Variants in PTPRD observed in about 807,000 individuals in gnomAD.
PTPRD encodes receptor-type tyrosine-protein phosphatase delta.
Under a neutral mutation model 214.5 loss-of-function variants are expected in PTPRD, and 34 were observed. The observed-to-expected ratio is 0.16, with a 90% CI of 0.12 to 0.21. PTPRD has a LOEUF of 0.21. PTPRD is among the 10% of genes least tolerant of loss of function. The probability of loss-of-function intolerance (pLI) is 1.00; values close to 1 mark genes in which losing one functional copy is unlikely to be tolerated. For synonymous variants in PTPRD, 1,128 were observed against 845.7 expected, an observed-to-expected ratio of 1.33 and a Z score of -5.79; for missense variants, 2,545 against 2,398.7, an observed-to-expected ratio of 1.06 and a Z score of -1.27.
intron 5 of PTPRD, among the ~76,000 whole-genome samples, chr9:9,804,278 TAGC>T (rs2153519406): frequency 6.6e-6 from 1 of 152,174 alleles, no homozygotes; most frequent in African/African-American, 2.4e-5. Flanking sequence ...TTTCATAAAA[TAGC>T]AGTACACTGC....
intron 10 of PTPRD, among the ~76,000 whole-genome samples, chr9:9,039,971 C>G (rs1411697255): frequency 8.4e-6 from 1 of 119,680 alleles, no homozygotes; most frequent in African/African-American, 2.9e-5. Context: ...AATGTTGGAA[C>G]TTCCTGTGCA....
chr9:9,696,155 G>A (rs749776811), intron 7 of PTPRD, among the ~76,000 whole-genome samples: 4 of 151,954 alleles, frequency 2.6e-5, no homozygotes, highest in African/African-American at 4.8e-5. Flanking sequence ...ATTCCATTAT[G>A]GTCATAAAAG....
chr9:8,449,696 G>C, intron 34 of PTPRD, 29 bp downstream of exon 34: 1 of 1,589,160 alleles, frequency 6.3e-7, no homozygotes, highest in South Asian at 1.1e-5. Flanking sequence ...GAAAGACTGT[G>C]TGTGGATTAG....
At chr9:9,014,482 T>G (rs1020239634) in intron 11 of PTPRD, among the ~76,000 whole-genome samples, 3 of 152,186 alleles carry the variant, frequency 2.0e-5, no homozygotes, top group African/African-American at 4.8e-5. Flanking sequence ...GAACGATACA[T>G]ATGTGATTAC....
chr9:8,835,921 T>C (rs1485503318), intron 11 of PTPRD, among the ~76,000 whole-genome samples: 1 of 152,184 alleles, frequency 6.6e-6, no homozygotes, highest in Non-Finnish European at 1.5e-5. Context: ...CCCATTAGAA[T>C]GGAAGCTTCC....
chr9:9,215,325 G>C (rs955967861), intron 9 of PTPRD, among the ~76,000 whole-genome samples: 1 of 152,126 alleles, frequency 6.6e-6, no homozygotes, highest in Non-Finnish European at 1.5e-5. Context: ...AAGTTATGGA[G>C]CTACAAGAGA....
rs569065017 is a variant in PTPRD, at chr9:9,276,240, A to G, written c.-202-92877T>C. On this transcript the variant is annotated intron_variant, in intron 9 of 45. Coordinates refer to ENST00000381196, the MANE Select transcript of PTPRD (RefSeq NM_002839.4). Reference sequence around the variant, plus strand: ...CAGTCATTTTCAGATTAAAGCCCCTAGTGTGCTGATTTCTGTCTTCTCCTG... The same window carrying G: ...CAGTCATTTTCAGATTAAAGCCCCTGGTGTGCTGATTTCTGTCTTCTCCTG... Among the ~76,000 whole-genome samples, 49 of 151,486 alleles carry G rather than the reference A, an allele frequency of 3.2e-4. No individual in the cohort carries two copies. The East Asian group carries it at 7.1e-3, about 22-fold the overall frequency.
intron 12 of PTPRD, among the ~76,000 whole-genome samples, chr9:8,643,764 C>G (rs11793328): frequency 6.6e-6 from 1 of 152,124 alleles, no homozygotes; most frequent in South Asian, 2.1e-4. Context: ...AGGTACTGAC[C>G]AGGGTGGAAG....
rs575160196 is a variant in PTPRD, at chr9:9,787,693, C to A, written c.-367-20842G>T. 4.6e-5 allele frequency among the ~76,000 whole-genome samples: 7 copies of A among 151,560 alleles called. No individual in the cohort carries two copies. The South Asian group carries it at 1.0e-3, about 23-fold the overall frequency. On this transcript the variant is annotated intron_variant, in intron 5 of 45. Coordinates refer to ENST00000381196, the MANE Select transcript of PTPRD (RefSeq NM_002839.4). The stretch of plus-strand genomic sequence containing the variant: ...TAATGCTACTACAAAAGGTCAGAGA[C>A]CTGAGAAAGATTAAAGACACAAAAG...
At chr9:9,619,836 G>A (rs1051220101) in intron 7 of PTPRD, among the ~76,000 whole-genome samples, 51 of 146,474 alleles carry the variant, frequency 3.5e-4, no homozygotes, top group African/African-American at 1.2e-3. Context: ...CTTTATATAT[G>A]TTAGCTTTTT....
rs145769876 is a variant in PTPRD, at chr9:8,376,064, C to G, written c.4533G>C (p.Val1511=). Residue 1511 remains valine, a synonymous_variant, in exon 39 of 46, where the codon GTG becomes GTC. Coordinates refer to ENST00000381196, the MANE Select transcript of PTPRD (RefSeq NM_002839.4). Reference sequence around the variant, plus strand: ...GCCAGGCGGTGAACTGGAATTGTCTCACTTCTCTCTTCTCACTTGAACCAT... The same window carrying G: ...GCCAGGCGGTGAACTGGAATTGTCTGACTTCTCTCTTCTCACTTGAACCAT... ...YKNGSSEKRE[V]RQFQFTAWPD... The G allele has an allele frequency of 7.4e-5, 119 of 1,612,804 alleles. 1 individual carries two copies. The African/African-American group carries it at 1.4e-3, about 19-fold the overall frequency.
At chr9:8,983,660 C>G (rs62529153) in intron 11 of PTPRD, among the ~76,000 whole-genome samples, 3,504 of 151,380 alleles carry the variant, frequency 0.023, 66 homozygotes, top group Middle Eastern at 0.048. Flanking sequence ...ATGTGTGCTC[C>G]ACCATGCCTG....
rs2097207916 is a variant in PTPRD at position 9,688,653 on chromosome 9, G to A, written c.-287+45880C>T. ...AATGCATATGAACTGCTGGTCAACA[G>A]GCCAGTGAGGCCACTAGTCCATTAT... is the stretch of plus-strand genomic sequence containing the variant. On this transcript the variant is annotated intron_variant, in intron 7 of 45. Transcript: ENST00000381196. Among the ~76,000 whole-genome samples, 4 of 151,868 alleles carry A rather than the reference G, an allele frequency of 2.6e-5. No individual in the cohort carries two copies. The South Asian group carries it at 6.2e-4, about 24-fold the overall frequency.
At chr9:9,902,446 C>G (rs1325600000) in intron 5 of PTPRD, among the ~76,000 whole-genome samples, 1 of 151,998 alleles carries the variant, frequency 6.6e-6, no homozygotes, top group African/African-American at 2.4e-5. Flanking sequence ...TAATCATATA[C>G]CAATCACTAA....
At chr9:8,473,576 C>CA (rs1783560386) in intron 30 of PTPRD, among the ~76,000 whole-genome samples, 2 of 152,166 alleles carry the variant, frequency 1.3e-5, no homozygotes, top group Admixed American at 1.3e-4. Flanking sequence ...TGCATATTAT[C>CA]AGAGTGCTAC....
intron 14 of PTPRD, among the ~76,000 whole-genome samples, chr9:8,549,101 G>T (rs549245477): frequency 2.0e-5 from 3 of 152,106 alleles, no homozygotes; most frequent in African/African-American, 4.8e-5. Flanking sequence ...GCCCAGTTAG[G>T]TAGTTACTAT....
At chr9:9,589,653 C>T (rs1026142986) in intron 7 of PTPRD, among the ~76,000 whole-genome samples, 16 of 151,926 alleles carry the variant, frequency 1.1e-4, no homozygotes, top group African/African-American at 3.9e-4. Context: ...TTATGTGTTA[C>T]TGGATTTTTA....
intron 14 of PTPRD, among the ~76,000 whole-genome samples, chr9:8,568,891 A>G (rs2154226463): frequency 6.6e-6 from 1 of 152,074 alleles, no homozygotes; most frequent in East Asian, 1.9e-4. Context: ...TTGCCCACCT[A>G]TGAGCTTTTG....
chr9:9,925,995 A>T (rs943930347), intron 5 of PTPRD, among the ~76,000 whole-genome samples: 10 of 151,686 alleles, frequency 6.6e-5, no homozygotes, highest in South Asian at 2.1e-4. Context: ...TGCCTAGAAA[A>T]TTTTTTTTAA....
Sources: gnomAD v4.1 joint callset for allele counts (sites outside exome capture counted in the v4.1 genomes callset) on GRCh38, gnomAD v4.1.1 for gene constraint, MANE v1.5 for transcripts, NCBI Gene and HGNC (gene_info 2026-07-23, HGNC 2026-07-21) for gene names.